The following VPS54 variants were observed in gnomAD, a reference collection of about 807,000 sequenced individuals.
VPS54 encodes the protein VPS54 subunit of GARP complex.
Under a neutral mutation model 121.5 loss-of-function variants are expected in VPS54, and 45 were observed. The observed-to-expected ratio is 0.37, with a 90% CI of 0.29 to 0.47. The LOEUF is 0.47. Ranked by LOEUF, VPS54 falls within the 20% of genes least tolerant of loss-of-function variation. The probability of loss-of-function intolerance (pLI) is 0.99; values close to 1 mark genes in which losing one functional copy is unlikely to be tolerated. For synonymous variants in VPS54, 371 were observed against 385.8 expected, an observed-to-expected ratio of 0.96 and a Z score of 0.45; for missense variants, 1,090 against 1,131.4, an observed-to-expected ratio of 0.96 and a Z score of 0.52.
At chr2:63,916,208 G>C (rs1422438348) in intron 16 of VPS54, among the ~76,000 whole-genome samples, 2 of 152,052 alleles carry the variant, frequency 1.3e-5, no homozygotes, top group Non-Finnish European at 2.9e-5. Context: ...GATCAAATGA[G>C]ATCACATATA....
At chr2:63,931,214 A>T (rs1004227758) in intron 12 of VPS54, among the ~76,000 whole-genome samples, 1 of 152,234 alleles carries the variant, frequency 6.6e-6, no homozygotes, top group Admixed American at 6.5e-5. Flanking sequence ...CTGGGCAAGA[A>T]GAACAAAGCT....
chr2:63,916,796 G>T, intron 16 of VPS54, 104 bp downstream of exon 16: 2 of 1,112,172 alleles, frequency 1.8e-6, no homozygotes, highest in Non-Finnish European at 2.7e-6. Context: ...ATTTAACACT[G>T]TTAAAACTGT....
chr2:63,928,609 C>T (rs1369956365), intron 12 of VPS54, among the ~76,000 whole-genome samples: 4 of 151,966 alleles, frequency 2.6e-5, no homozygotes, highest in South Asian at 2.1e-4. Context: ...AATTAGTGGG[C>T]GAAATAACCA....
At chr2:63,958,662 G>C (rs1675610677) in intron 7 of VPS54, among the ~76,000 whole-genome samples, 1 of 152,118 alleles carries the variant, frequency 6.6e-6, no homozygotes, top group Admixed American at 6.5e-5. Flanking sequence ...CTATAGTTGA[G>C]CTATGATCGC....
chr2:63,997,610 GTT>G (rs1245405208), intron 1 of VPS54, among the ~76,000 whole-genome samples: 1 of 150,910 alleles, frequency 6.6e-6, no homozygotes, highest in Non-Finnish European at 1.5e-5. Context: ...AGATGTGTCA[GTT>G]TTTGTTTTGT....
At chr2:63,982,059 G>A (rs539408614) in intron 2 of VPS54, among the ~76,000 whole-genome samples, 172 bp from the exon 3 acceptor site, 1 of 152,160 alleles carries the variant, frequency 6.6e-6, no homozygotes, top group Non-Finnish European at 1.5e-5. Flanking sequence ...TCAGCTGGCA[G>A]CATCAATTAC....
intron 1 of VPS54, among the ~76,000 whole-genome samples, chr2:63,984,283 T>G (rs1269519844): frequency 1.3e-5 from 2 of 152,180 alleles, no homozygotes; most frequent in African/African-American, 4.8e-5. Context: ...CAACATATAT[T>G]AAAGATTAAA....
chr2:63,918,033 T>C (rs1003751729), intron 15 of VPS54, among the ~76,000 whole-genome samples: 9 of 152,004 alleles, frequency 5.9e-5, no homozygotes, highest in African/African-American at 1.9e-4. Flanking sequence ...CCCCAATGCC[T>C]AGCTGAGTGG....
Position 63,920,455 on chromosome 2 carries a change from GT to G in VPS54, c.2041del (p.Thr681ProfsTer7). 1 of 1,533,492 alleles carries G rather than the reference GT, an allele frequency of 6.5e-7. No homozygotes were observed. Among genetic ancestry groups the G allele is most frequent in the South Asian group, 1.3e-5 (1 of 77,464 alleles). The allele number at this position is 1,533,492 out of a possible 1,614,324, so 95.0% of individuals were successfully genotyped here. A position where few individuals can be genotyped will look rare whatever the true frequency, so the allele number is the denominator to read the frequency against. Reference sequence around the variant, plus strand: ...GACATGGTGATGATACCTGAGCTTGGTTTTTCTCTCTTCATGAAACCTATTT... The same window carrying G: ...GACATGGTGATGATACCTGAGCTTGGTTTTCTCTCTTCATGAAACCTATTT... ...FVNRFHEERK[T>X]KLSLLLDNER... On this transcript the variant is annotated frameshift_variant, in exon 14 of 23. Coordinates refer to ENST00000272322, the MANE Select transcript of VPS54 (RefSeq NM_016516.3). LOFTEE classifies it high-confidence loss of function.
intron 1 of VPS54, among the ~76,000 whole-genome samples, chr2:63,999,903 C>G (rs924466788): frequency 4.6e-5 from 7 of 152,102 alleles, no homozygotes; most frequent in Admixed American, 3.9e-4. Flanking sequence ...CCCTGTCACC[C>G]AGACTAGAGT....
chr2:64,006,190 C>A (rs907425103), intron 1 of VPS54, among the ~76,000 whole-genome samples: 3 of 152,206 alleles, frequency 2.0e-5, no homozygotes, highest in African/African-American at 7.2e-5. Flanking sequence ...AACTGCATGA[C>A]TATTCAATGA....
intron 15 of VPS54, among the ~76,000 whole-genome samples, chr2:63,917,367 C>G (rs1426839596): frequency 2.0e-5 from 3 of 151,986 alleles, no homozygotes; most frequent in Admixed American, 6.6e-5. Flanking sequence ...TTTGGAAAGG[C>G]AGAACTAGCA....
At chr2:63,956,793 G>C (rs1246269709) in intron 7 of VPS54, among the ~76,000 whole-genome samples, 1 of 152,154 alleles carries the variant, frequency 6.6e-6, no homozygotes, top group East Asian at 1.9e-4. Context: ...CTCTGTTGTA[G>C]AATGGCGGTG....
chr2:64,016,716 C>T (rs1222218560), intron 1 of VPS54, among the ~76,000 whole-genome samples: 3 of 151,234 alleles, frequency 2.0e-5, no homozygotes, highest in African/African-American at 7.3e-5. Flanking sequence ...TCAAGCGATT[C>T]GCCAGCCTCA....
At chr2:63,940,741 CAA>C (rs3836010) in intron 11 of VPS54, among the ~76,000 whole-genome samples, 30,094 of 151,900 alleles carry the variant, frequency 0.2, 4,291 homozygotes, top group East Asian at 0.76. Flanking sequence ...AAATTTCTGG[CAA>C]AAAGTTGGCC....
At position 63,981,902 on chromosome 2, in the gene VPS54, CAA is replaced by C. The variant is rs749514693; in HGVS notation, c.137-17_137-16del. 16 of 1,602,724 alleles carry C rather than the reference CAA, an allele frequency of 1.0e-5. No homozygotes were observed. The Middle Eastern group carries it at 5.0e-4, about 50-fold the overall frequency. ...ATGTGAATCACCTGCAAAAAGTAAA[CAA>C]GAGAACTCTGTAAATGCTGTAAAAT... is the stretch of plus-strand genomic sequence containing the variant. On this transcript the variant is annotated splice_polypyrimidine_tract_variant and intron_variant, in intron 2 of 22. Transcript: ENST00000272322.
intron 9 of VPS54, among the ~76,000 whole-genome samples, chr2:63,945,730 G>A (rs929226539): frequency 1.1e-4 from 16 of 152,100 alleles, no homozygotes; most frequent in Admixed American, 2.6e-4. Flanking sequence ...TCCTACACCA[G>A]AAAAGCAGAA....
At chr2:63,912,448 T>C (rs780029607) in intron 19 of VPS54, 23 bp from the exon 20 acceptor site, 11 of 1,611,546 alleles carry the variant, frequency 6.8e-6, no homozygotes, top group Non-Finnish European at 9.3e-6. Context: ...ATGATAATTG[T>C]ATTTTTAAGT....
intron 11 of VPS54, among the ~76,000 whole-genome samples, chr2:63,940,905 A>G (rs745778929): frequency 3.3e-5 from 5 of 152,234 alleles, no homozygotes; most frequent in Admixed American, 6.5e-5. Flanking sequence ...GTCACTATCT[A>G]TAGGTAGGAT....
Sources: allele counts gnomAD v4.1 joint callset (sites outside exome capture counted in the v4.1 genomes callset), GRCh38; gene constraint gnomAD v4.1.1; transcripts MANE v1.5; gene names NCBI Gene and HGNC (gene_info 2026-07-23, HGNC 2026-07-21).